Variants in MSI2 observed in about 807,000 individuals in gnomAD.
The protein encoded by MSI2 is musashi RNA binding protein 2, also known as RNA-binding protein Musashi homolog 2.
A neutral mutation model predicts 45.6 loss-of-function variants in MSI2; 17 were observed. The ratio of observed to expected loss-of-function variants is 0.37; its 90% confidence interval spans 0.26 to 0.56. MSI2 has a LOEUF of 0.56. Ranked by LOEUF, MSI2 falls within the 20% of genes least tolerant of loss-of-function variation. The pLI is 0.77. For missense variants in MSI2, 293 were observed against 444.2 expected (o/e 0.66, Z 3.06); for synonymous variants, 156 against 158.2 (o/e 0.99, Z 0.11).
chr17:57,562,747 G>A (rs2087609465), intron 7 of MSI2, among the ~76,000 whole-genome samples: 1 of 152,196 alleles, frequency 6.6e-6, no homozygotes, highest in South Asian at 2.1e-4. Flanking sequence ...CTGCACGAAT[G>A]GAGAGATAAG....
intron 8 of MSI2, among the ~76,000 whole-genome samples, chr17:57,609,376 C>T (rs965179729): frequency 3.9e-5 from 6 of 152,220 alleles, no homozygotes; most frequent in South Asian, 2.1e-4. Flanking sequence ...GACAGTCAGA[C>T]GGTCAAGGTT....
At chr17:57,499,289 T>C (rs929448872) in intron 6 of MSI2, among the ~76,000 whole-genome samples, 1 of 150,886 alleles carries the variant, frequency 6.6e-6, no homozygotes, top group African/African-American at 2.4e-5. Flanking sequence ...GGCAGGAGAA[T>C]TGCTTGAACC....
At chr17:57,272,401 A>G (rs1235784955) in intron 5 of MSI2, among the ~76,000 whole-genome samples, 1 of 152,166 alleles carries the variant, frequency 6.6e-6, no homozygotes, top group Non-Finnish European at 1.5e-5. Context: ...CCAAACCAAG[A>G]GTGTGAAAAG....
chr17:57,335,838 G>A (rs1259057482), intron 5 of MSI2, among the ~76,000 whole-genome samples: 1 of 152,226 alleles, frequency 6.6e-6, no homozygotes, highest in Non-Finnish European at 1.5e-5. Context: ...CCTAGAGGCA[G>A]AAGCTGGCAT....
intron 5 of MSI2, among the ~76,000 whole-genome samples, chr17:57,389,218 C>A (rs547093749): frequency 1.3e-5 from 2 of 152,246 alleles, no homozygotes; most frequent in South Asian, 4.1e-4. Context: ...ACCTCATGAT[C>A]CGCCTGCCTC....
At chr17:57,450,596 G>A (rs1379243020) in intron 6 of MSI2, among the ~76,000 whole-genome samples, 4 of 148,208 alleles carry the variant, frequency 2.7e-5, no homozygotes, top group Non-Finnish European at 5.9e-5. Context: ...GCTTGAACTC[G>A]GGAGGTAGAG....
intron 6 of MSI2, among the ~76,000 whole-genome samples, chr17:57,509,983 G>T (rs1470573341): frequency 1.3e-5 from 2 of 152,070 alleles, no homozygotes; most frequent in African/African-American, 2.4e-5. Context: ...TTAAATGTCT[G>T]TTTCAGCTTG....
intron 6 of MSI2, among the ~76,000 whole-genome samples, chr17:57,471,376 C>T (rs549482186): frequency 2.0e-5 from 3 of 147,636 alleles, no homozygotes; most frequent in Admixed American, 6.9e-5. Context: ...CTGCAACCTC[C>T]GCCTCCTGGG....
In MSI2 at chr17:57,620,777, A is replaced by G. The variant is rs185160309; in HGVS notation, c.652+4693A>G. Among the ~76,000 whole-genome samples the G allele has an allele frequency of 2.0e-4, 31 of 152,256 alleles. No homozygotes were observed. In the East Asian group the frequency reaches 6.0e-3, roughly 29 times the overall value. ...CAGTGACTGTGGTGAGGCCATCCAT[A>G]TGCACTGAGCAGGGTCTCCTAAGAT... is the stretch of plus-strand genomic sequence containing the variant. On this transcript the variant is annotated intron_variant, in intron 9 of 13. Coordinates refer to ENST00000284073, the MANE Select transcript of MSI2 (RefSeq NM_138962.4).
chr17:57,389,440 G>A (rs947824292), intron 5 of MSI2, among the ~76,000 whole-genome samples: 5 of 152,158 alleles, frequency 3.3e-5, no homozygotes, highest in Non-Finnish European at 7.3e-5. Flanking sequence ...CAGACAGGCT[G>A]CAAAGGCCCT....
At chr17:57,500,313 G>C (rs577725961) in intron 6 of MSI2, among the ~76,000 whole-genome samples, 1 of 152,058 alleles carries the variant, frequency 6.6e-6, no homozygotes, top group South Asian at 2.1e-4. Flanking sequence ...CAAGTAGCTT[G>C]TCCAGGTGAC....
At chr17:57,589,785 G>C (rs764102427) in intron 7 of MSI2, among the ~76,000 whole-genome samples, 1 of 152,194 alleles carries the variant, frequency 6.6e-6, no homozygotes, top group Non-Finnish European at 1.5e-5. Context: ...CCTGGGTTCA[G>C]TTCCTGCCTC....
intron 7 of MSI2, among the ~76,000 whole-genome samples, chr17:57,530,632 G>A (rs2144068567): frequency 6.6e-6 from 1 of 152,296 alleles, no homozygotes. Flanking sequence ...TGCCCTCAAG[G>A]GAGGGAGCCT....
Position 57,675,088 on chromosome 17 carries a change from A to G in MSI2, c.907A>G (p.Ser303Gly). The G allele has an allele frequency of 2.5e-6, 4 of 1,613,990 alleles. No homozygotes were observed. The highest frequency in any genetic ancestry group is 3.4e-6 in the Non-Finnish European group (4 of 1,180,004). Residue 303 changes from serine to glycine, a missense_variant, in exon 12 of 14, where the codon AGC becomes GGC. By Grantham distance (56) the Ser-to-Gly change is moderately conservative (BLOSUM62 0). Coordinates refer to ENST00000284073, the MANE Select transcript of MSI2 (RefSeq NM_138962.4). ...SGVGNYISAA[S>G]PQPGSGFGHG... ...AGTGGGGAATTACATAAGTGCGGCC[A>G]GCCCACAGCCGGGCTCGGGCTTCGG...
At chr17:57,666,487 T>C (rs547093821) in intron 11 of MSI2, among the ~76,000 whole-genome samples, 28 of 152,362 alleles carry the variant, frequency 1.8e-4, no homozygotes, top group African/African-American at 6.5e-4. Context: ...TCTTGCCTCA[T>C]TGGTTTTCAC....
intron 5 of MSI2, among the ~76,000 whole-genome samples, chr17:57,301,802 A>T (rs571014582): frequency 6.6e-6 from 1 of 150,820 alleles, no homozygotes; most frequent in South Asian, 2.1e-4. Context: ...CACCGTGAAT[A>T]TTCTTGTATA....
intron 6 of MSI2, among the ~76,000 whole-genome samples, chr17:57,429,228 A>G (rs2084549760): frequency 6.6e-6 from 1 of 152,106 alleles, no homozygotes; most frequent in Admixed American, 6.6e-5. Context: ...GATCCCACAC[A>G]GCCTCCAAAT....
At chr17:57,650,813 G>A (rs1023538881) in intron 10 of MSI2, among the ~76,000 whole-genome samples, 3 of 152,060 alleles carry the variant, frequency 2.0e-5, no homozygotes, top group African/African-American at 4.8e-5. Context: ...CTTCTAGTTC[G>A]CTCTGTTTGG....
At chr17:57,633,268 T>A in intron 10 of MSI2, 1 of 811,118 alleles carries the variant, frequency 1.2e-6, no homozygotes, top group South Asian at 5.7e-5. Flanking sequence ...CCAGCACCGA[T>A]GACAGCCTAG....
Sources: gnomAD v4.1 joint callset for allele counts (sites outside exome capture counted in the v4.1 genomes callset) on GRCh38, gnomAD v4.1.1 for gene constraint, MANE v1.5 for transcripts, NCBI Gene and HGNC (gene_info 2026-07-23, HGNC 2026-07-21) for gene names.